The following MACF1 variants were observed in gnomAD, a reference collection of about 807,000 sequenced individuals.
MACF1 encodes the protein microtubule actin crosslinking factor 1.
MACF1 carries 193 observed loss-of-function variants against 854.8 expected under a neutral mutation model. The observed-to-expected ratio is 0.23, with a 90% CI of 0.20 to 0.25. MACF1 has a LOEUF of 0.25. Ranked by LOEUF, MACF1 falls within the 10% of genes least tolerant of loss-of-function variation. The pLI is 1.00. For synonymous variants in MACF1, 3,185 were observed against 3,226.7 expected (o/e 0.99, Z 0.44); for missense variants, 7,722 against 8,929.1 (o/e 0.86, Z 5.45).
chr1:39,165,222 C>T (rs991846850), intron 2 of MACF1, among the ~76,000 whole-genome samples: 1 of 152,112 alleles, frequency 6.6e-6, no homozygotes, highest in Non-Finnish European at 1.5e-5. Flanking sequence ...TTTCCCATTC[C>T]CAGAGCCCTT....
intron 97 of MACF1, among the ~76,000 whole-genome samples, chr1:39,476,197 CTTGACACATGG>C (rs1644878738): frequency 6.6e-6 from 1 of 152,150 alleles, no homozygotes; most frequent in Admixed American, 6.5e-5. Flanking sequence ...ATCTATCAAC[CTTGACACATGG>C]TTGACATTCA....
intron 26 of MACF1, among the ~76,000 whole-genome samples, chr1:39,313,753 C>G (rs1646350268): frequency 6.6e-6 from 1 of 151,874 alleles, no homozygotes; most frequent in South Asian, 2.1e-4. Flanking sequence ...TTAACATGTC[C>G]CCATCATTTT....
At chr1:39,455,212 A>G in intron 89 of MACF1, 115 bp downstream of exon 89, 1 of 1,015,288 alleles carries the variant, frequency 9.8e-7, no homozygotes, top group Non-Finnish European at 1.5e-6. Context: ...CCACAGACTT[A>G]GCACTGTAAA....
intron 60 of MACF1, 89 bp from the exon 61 acceptor site, chr1:39,423,939 C>G: frequency 1.7e-6 from 2 of 1,144,018 alleles, no homozygotes; most frequent in Non-Finnish European, 2.5e-6. Context: ...TAGGATTTGG[C>G]GGGTTGGTTT....
intron 2 of MACF1, among the ~76,000 whole-genome samples, chr1:39,099,013 A>C (rs1448262722): frequency 6.6e-6 from 1 of 152,218 alleles, no homozygotes; most frequent in Non-Finnish European, 1.5e-5. Flanking sequence ...AGCTGGTCAA[A>C]GGATAATGCT....
chr1:39,317,534 AC>A, intron 29 of MACF1, 127 bp downstream of exon 29: 1 of 1,081,690 alleles, frequency 9.2e-7, no homozygotes, highest in Non-Finnish European at 1.3e-6. Flanking sequence ...AAATTTAAAA[AC>A]CACATAAATT....
In MACF1 at chr1:39,422,805, C is replaced by T. The variant is rs1224850705; in HGVS notation, c.16054C>T (p.Leu5352Phe). 1 of 1,614,068 alleles carries T rather than the reference C, an allele frequency of 6.2e-7. No homozygotes were observed. The highest frequency in any genetic ancestry group is 8.5e-7 in the Non-Finnish European group (1 of 1,180,034). The change falls in exon 60 of 101, where the codon CTC (leucine) becomes TTC (phenylalanine). Residue 5352 changes from leucine (L) to phenylalanine (F), a missense_variant. By Grantham distance (22) the Leu-to-Phe change is conservative. Around this residue, in one of 15 missense-constraint regions of MACF1, gnomAD observed 2,807 missense variants for 3,235.8 expected, o/e 0.87. Transcript: ENST00000564288. ...GTTTCAAGATGCCTTGGAGCCATTGCTCAGCTGGTTGGCAGATACCGAGGA... is the reference window on the plus strand; with the variant it reads ...GTTTCAAGATGCCTTGGAGCCATTGTTCAGCTGGTTGGCAGATACCGAGGA... ...GKFQDALEPLLSWLADTEELI... is the reference protein window; with the variant it reads ...GKFQDALEPLFSWLADTEELI...
chr1:39,187,180 A>G (rs886269332), intron 2 of MACF1, among the ~76,000 whole-genome samples: 3 of 152,128 alleles, frequency 2.0e-5, no homozygotes, highest in Non-Finnish European at 4.4e-5. Context: ...AAGGTGAGCT[A>G]TGTAATATAC....
intron 1 of MACF1, among the ~76,000 whole-genome samples, chr1:39,228,919 G>A (rs1355368261): frequency 6.6e-6 from 1 of 152,218 alleles, no homozygotes; most frequent in Non-Finnish European, 1.5e-5. Context: ...CTCCCAAAGT[G>A]CTGGGATTAC....
At chr1:39,449,347 G>A (rs1214939639) in intron 84 of MACF1, among the ~76,000 whole-genome samples, 1 of 152,056 alleles carries the variant, frequency 6.6e-6, no homozygotes, top group African/African-American at 2.4e-5. Context: ...TTATCTATTT[G>A]TACCCACTAT....
At chr1:39,243,566 T>C (rs945352214) in intron 2 of MACF1, among the ~76,000 whole-genome samples, 1 of 152,178 alleles carries the variant, frequency 6.6e-6, no homozygotes, top group Admixed American at 6.5e-5. Context: ...CACACCTGGC[T>C]GACTTTTAAA....
chr1:39,455,898 T>G (rs562617669), intron 89 of MACF1, among the ~76,000 whole-genome samples: 2 of 152,346 alleles, frequency 1.3e-5, no homozygotes, highest in East Asian at 3.9e-4. Context: ...GAATGTTGAT[T>G]AGTTATACTG....
rs750262685 is a variant in MACF1, at chr1:39,190,395, G to GTTTTTTTTTTTTT, written c.221-40782_221-40781insTTTTTTTTTTTTT. 4.6e-4 allele frequency among the ~76,000 whole-genome samples: 36 copies of GTTTTTTTTTTTTT among 79,050 alleles called. 4 individuals are homozygous for GTTTTTTTTTTTTT. The highest frequency in any genetic ancestry group is 1.0e-3 in the South Asian group (2 of 1,914). 51.9% of individuals were successfully genotyped at this position (79,050 alleles called of 152,430 possible). A position where few individuals can be genotyped will look rare whatever the true frequency, so the allele number is the denominator to read the frequency against. ...TGTGTGTGTGTGTGTGTGTGTGTTT[G>GTTTTTTTTTTTTT]TTTTTGTTTTTTTTTTTTTTTTTTG... On this transcript the variant is annotated intron_variant, in intron 2 of 93. Transcript: ENST00000361689.
intron 23 of MACF1, among the ~76,000 whole-genome samples, chr1:39,307,097 ACTC>A (rs1424113909): frequency 6.6e-6 from 1 of 151,154 alleles, no homozygotes; most frequent in Non-Finnish European, 1.5e-5. Flanking sequence ...CTGGTCTTGA[ACTC>A]CTGACCTCAA....
intron 2 of MACF1, among the ~76,000 whole-genome samples, chr1:39,185,306 CAAAA>C (rs1644153838): frequency 7.3e-6 from 1 of 136,630 alleles, no homozygotes; most frequent in Non-Finnish European, 1.6e-5. Flanking sequence ...AAAAAAAAAA[CAAAA>C]AAGGAAAAAG....
chr1:39,319,672 T>G lies in MACF1; in HGVS notation c.3954T>G (p.Phe1318Leu), dbSNP rs747259856. 6.2e-7 allele frequency: 1 copy of G among 1,613,240 alleles called. No homozygotes were observed. Among genetic ancestry groups the G allele is most frequent in the Non-Finnish European group, 8.5e-7 (1 of 1,179,368 alleles). Residue 1318 changes from phenylalanine to leucine, a missense_variant, in exon 31 of 101, where the codon TTT becomes TTG. Phe to Leu is a conservative substitution (Grantham distance 22). This residue lies in a region of MACF1 where 1,137 missense variants were observed against 1,263.0 expected (regional missense o/e 0.90). Coordinates refer to ENST00000564288, the MANE Select transcript of MACF1 (RefSeq NM_001394062.1). ...GATATTTTGCTTCCTAGGCCCTATT[T>G]GCAGAAATTGAGAGAAATCAGACAA... ...SEQLSQQTAL[F>L]AEIERNQTKL...
At chr1:39,270,067 A>G (rs1365529763) in intron 6 of MACF1, among the ~76,000 whole-genome samples, 1 of 152,248 alleles carries the variant, frequency 6.6e-6, no homozygotes, top group African/African-American at 2.4e-5. Context: ...GTAATGTAGC[A>G]CAAGAGACGA....
Position 39,333,476 on chromosome 1 carries a change from T to C in MACF1, c.6888T>C (p.Gly2296=). 2 of 1,614,190 alleles carry C rather than the reference T, an allele frequency of 1.2e-6. No homozygotes were observed. The highest frequency in any genetic ancestry group is 1.7e-6 in the Non-Finnish European group (2 of 1,180,038). Residue 2296 remains glycine (G), a synonymous_variant, in exon 37 of 101, where the codon GGT becomes GGC. Transcript: ENST00000564288. ...TATCTGCACAGTTACTAGATGGTGG[T>C]ATCTTTCATGAACAAACAGGTCAAA... ...NVLSAQLLDG[G]IFHEQTGQKL... is the part of the protein sequence containing the mutation.
chr1:39,251,122 T>A (rs965198139), intron 3 of MACF1, among the ~76,000 whole-genome samples: 1 of 152,246 alleles, frequency 6.6e-6, no homozygotes, highest in South Asian at 2.1e-4. Context: ...ATTCAGCTCC[T>A]TCTAGGATTG....
Sources: gnomAD v4.1 joint callset for allele counts (sites outside exome capture counted in the v4.1 genomes callset) on GRCh38, gnomAD v4.1.1 for gene constraint, gnomAD v4.1.1 regional missense constraint, MANE v1.5 for transcripts, NCBI Gene and HGNC (gene_info 2026-07-23, HGNC 2026-07-21) for gene names.